Variants in OPCML observed in about 807,000 individuals in gnomAD.
OPCML encodes opioid binding protein/cell adhesion molecule like.
A neutral mutation model predicts 37.8 loss-of-function variants in OPCML; 13 were observed. That is an observed-to-expected ratio of 0.34 (90% CI 0.22 to 0.55). OPCML has a LOEUF of 0.55. OPCML is among the 20% of genes least tolerant of loss of function. OPCML has a pLI of 0.91. For synonymous variants in OPCML, 176 were observed against 168.8 expected (o/e 1.04, Z -0.33); for missense variants, 341 against 435.6 (o/e 0.78, Z 1.93).
intron 1 of OPCML, among the ~76,000 whole-genome samples, chr11:133,345,718 C>T (rs1043860842): frequency 1.3e-5 from 2 of 152,220 alleles, no homozygotes; most frequent in African/African-American, 4.8e-5. Context: ...TTTAATCGAT[C>T]TTCAGATCCG....
At chr11:132,748,979 T>A (rs868061570) in intron 2 of OPCML, among the ~76,000 whole-genome samples, 2 of 152,176 alleles carry the variant, frequency 1.3e-5, no homozygotes, top group Admixed American at 6.5e-5. Context: ...TGTTTGTGCC[T>A]TCTCCTCCCT....
chr11:132,554,215 T>G (rs1309316759), intron 3 of OPCML, among the ~76,000 whole-genome samples: 1 of 152,236 alleles, frequency 6.6e-6, no homozygotes, highest in African/African-American at 2.4e-5. Flanking sequence ...CATGTCAGTC[T>G]GCTGTTCCAC....
chr11:132,586,298 T>C (rs1269219033), intron 3 of OPCML, among the ~76,000 whole-genome samples: 2 of 152,230 alleles, frequency 1.3e-5, no homozygotes, highest in Admixed American at 1.3e-4. Context: ...TAAAGAAATG[T>C]GATATTTCCC....
intron 1 of OPCML, among the ~76,000 whole-genome samples, chr11:133,292,350 G>C (rs901046093): frequency 6.6e-6 from 1 of 152,050 alleles, no homozygotes; most frequent in Non-Finnish European, 1.5e-5. Flanking sequence ...CCAATACCCA[G>C]AAAATCTTCT....
chr11:132,926,600 C>A (rs1382270006), intron 2 of OPCML, among the ~76,000 whole-genome samples: 1 of 152,042 alleles, frequency 6.6e-6, no homozygotes, highest in Non-Finnish European at 1.5e-5. Flanking sequence ...TGCATGGAGG[C>A]AGCTTACAAA....
intron 2 of OPCML, among the ~76,000 whole-genome samples, chr11:132,835,125 C>T (rs1940936257): frequency 1.3e-5 from 2 of 152,092 alleles, no homozygotes; most frequent in Non-Finnish European, 2.9e-5. Flanking sequence ...TTCATGCCCA[C>T]CTAACTGACA....
chr11:132,534,202 A>G (rs1591518159), intron 3 of OPCML, among the ~76,000 whole-genome samples: 1 of 152,030 alleles, frequency 6.6e-6, no homozygotes, highest in Admixed American at 6.6e-5. Context: ...TAATGACCCC[A>G]GTCTCCCACC....
At chr11:132,991,358 C>T (rs565051171) in intron 1 of OPCML, among the ~76,000 whole-genome samples, 1 of 152,182 alleles carries the variant, frequency 6.6e-6, no homozygotes, top group East Asian at 1.9e-4. Context: ...ATATACAAGC[C>T]CCTAATAGAA....
intron 4 of OPCML, among the ~76,000 whole-genome samples, chr11:132,456,962 G>A (rs969286840): frequency 1.3e-5 from 2 of 152,192 alleles, no homozygotes; most frequent in Non-Finnish European, 2.9e-5. Context: ...TGGCAGTCTT[G>A]ATGTGATGAA....
At chr11:133,011,371 G>A (rs747676846) in intron 1 of OPCML, among the ~76,000 whole-genome samples, 1 of 152,136 alleles carries the variant, frequency 6.6e-6, no homozygotes, top group Non-Finnish European at 1.5e-5. Flanking sequence ...CCTGGTTACT[G>A]CAGGTGTTGA....
At chr11:133,234,495 G>A (rs1355802314) in intron 1 of OPCML, among the ~76,000 whole-genome samples, 1 of 152,258 alleles carries the variant, frequency 6.6e-6, no homozygotes, top group Non-Finnish European at 1.5e-5. Context: ...AAGGCGAATG[G>A]CCAGGGTCTT....
At chr11:133,118,454 A>G in intron 1 of OPCML, 6 of 979,670 alleles carry the variant, frequency 6.1e-6, no homozygotes, top group Non-Finnish European at 7.3e-6. Context: ...AAGTGGACTG[A>G]AAACTGGAAA....
chr11:132,624,912 C>T (rs1487550600), intron 3 of OPCML, among the ~76,000 whole-genome samples: 1 of 152,090 alleles, frequency 6.6e-6, no homozygotes, highest in Non-Finnish European at 1.5e-5. Context: ...AATTTCAGAT[C>T]AGCATCAAAT....
At chr11:133,162,561 G>C (rs1442643584) in intron 1 of OPCML, among the ~76,000 whole-genome samples, 1 of 151,550 alleles carries the variant, frequency 6.6e-6, no homozygotes, top group Non-Finnish European at 1.5e-5. Context: ...GACTGCCGCT[G>C]CCGGCTTGTT....
intron 1 of OPCML, among the ~76,000 whole-genome samples, chr11:133,263,055 G>A (rs2136460543): frequency 6.6e-6 from 1 of 151,976 alleles, no homozygotes; most frequent in South Asian, 2.1e-4. Context: ...AAAAGAAAAT[G>A]CACAGAATCT....
chr11:132,840,717 G>A (rs1218563838), intron 2 of OPCML, among the ~76,000 whole-genome samples: 1 of 152,124 alleles, frequency 6.6e-6, no homozygotes, highest in Admixed American at 6.5e-5. Context: ...ATTCACATTC[G>A]CTTTTATAAT....
intron 3 of OPCML, among the ~76,000 whole-genome samples, chr11:132,542,287 C>T (rs760009527): frequency 6.6e-6 from 1 of 152,192 alleles, no homozygotes; most frequent in East Asian, 1.9e-4. Context: ...CATGCCCCTC[C>T]TTGTCTCCAT....
At chr11:133,312,838 C>T (rs1041564873) in intron 1 of OPCML, among the ~76,000 whole-genome samples, 2 of 152,146 alleles carry the variant, frequency 1.3e-5, no homozygotes, top group African/African-American at 4.8e-5. Context: ...CTTCTTTAAG[C>T]CTCAGTTTTC....
intron 2 of OPCML, among the ~76,000 whole-genome samples, chr11:132,783,641 G>A (rs1357036705): frequency 1.3e-5 from 2 of 152,008 alleles, no homozygotes; most frequent in African/African-American, 4.8e-5. Context: ...AAATCCAGGG[G>A]GGTGAATAAA....
Sources: gnomAD v4.1 joint callset for allele counts (sites outside exome capture counted in the v4.1 genomes callset) on GRCh38, gnomAD v4.1.1 for gene constraint, MANE v1.5 for transcripts, NCBI Gene and HGNC (gene_info 2026-07-23, HGNC 2026-07-21) for gene names.